Variants in EHMT1 observed in about 807,000 individuals in gnomAD.
The protein encoded by EHMT1 is euchromatic histone lysine methyltransferase 1.
EHMT1 carries 15 observed loss-of-function variants against 147.2 expected under a neutral mutation model. The observed-to-expected ratio is 0.10, with a 90% CI of 0.07 to 0.16. The LOEUF is 0.16. Among genes scored for constraint, EHMT1 ranks in the 10% least tolerant of loss-of-function variants. The probability of loss-of-function intolerance (pLI) is 1.00; values close to 1 mark genes in which losing one functional copy is unlikely to be tolerated. For missense variants in EHMT1, 1,587 were observed against 1,772.4 expected (o/e 0.90, Z 1.88); for synonymous variants, 795 against 709.6 (o/e 1.12, Z -1.91).
At chr9:137,757,007 G>A (rs998579710) in intron 8 of EHMT1, among the ~76,000 whole-genome samples, 4 of 152,176 alleles carry the variant, frequency 2.6e-5, no homozygotes, top group African/African-American at 7.2e-5. Flanking sequence ...TTGGTGACTA[G>A]TCCCTAGAAG....
intron 1 of EHMT1, among the ~76,000 whole-genome samples, chr9:137,663,068 C>T (rs1044506915): frequency 6.6e-6 from 1 of 152,206 alleles, no homozygotes; most frequent in South Asian, 2.1e-4. Context: ...GCTGGGAATA[C>T]AGGTGTGAGC....
In EHMT1 at chr9:137,758,204, A is replaced by G. The variant is rs76141355; in HGVS notation, c.1501+193A>G. On this transcript the variant is annotated intron_variant, in intron 9 of 26. Transcript: ENST00000460843. ...CCGGTGTTCAAGTGAAGAAAGAGACATTACGGAAACCCTCTAAGAGTCAAC... is the reference window on the plus strand; with the variant it reads ...CCGGTGTTCAAGTGAAGAAAGAGACGTTACGGAAACCCTCTAAGAGTCAAC... Among the ~76,000 whole-genome samples the G allele has an allele frequency of 1.9e-3, 287 of 152,338 alleles. 2 individuals are homozygous for G. The highest frequency in any genetic ancestry group is 6.3e-3 in the African/African-American group (260 of 41,590).
chr9:137,834,445 T>C lies in EHMT1; in HGVS notation c.3637T>C (p.Phe1213Leu). Residue 1213 changes from phenylalanine (F) to leucine (L), a missense_variant, in exon 26 of 27, where the codon TTC (phenylalanine) becomes CTC (leucine). Phe to Leu is a conservative substitution (Grantham distance 22). Transcript: ENST00000460843. ...CEPNLVPVRV[F>L]MAHQDLRFPR... ...GCCCAACCTGGTGCCCGTGCGCGTG[T>C]TCATGGCCCACCAGGACCTGCGGTT... 1 of 1,613,180 alleles carries C rather than the reference T, an allele frequency of 6.2e-7. No homozygotes were observed. Among genetic ancestry groups the C allele is most frequent in the Non-Finnish European group, 8.5e-7 (1 of 1,179,786 alleles).
At chr9:137,708,619 A>G (rs568482972) in intron 1 of EHMT1, among the ~76,000 whole-genome samples, 37 of 152,242 alleles carry the variant, frequency 2.4e-4, no homozygotes, top group Non-Finnish European at 4.4e-4. Context: ...TTTCAAGCTC[A>G]TGGGGACAGA....
chr9:137,646,019 T>C lies in EHMT1; in HGVS notation c.21+26970T>C, dbSNP rs570742622. Among the ~76,000 whole-genome samples, 20 of 152,226 alleles carry C rather than the reference T, an allele frequency of 1.3e-4. No individual in the cohort carries two copies. In the East Asian group the frequency reaches 3.5e-3, roughly 26 times the overall value. On this transcript the variant is annotated intron_variant, in intron 1 of 26. Coordinates refer to ENST00000460843, the MANE Select transcript of EHMT1 (RefSeq NM_024757.5). The stretch of plus-strand genomic sequence containing the variant: ...TGTTGCCCAGGCTGGAGTGCAATGG[T>C]GTGATCTCAGCTCACTGCAGCCTCT...
At chr9:137,820,576 G>C (rs1368616491) in intron 25 of EHMT1, among the ~76,000 whole-genome samples, 1 of 152,138 alleles carries the variant, frequency 6.6e-6, no homozygotes, top group African/African-American at 2.4e-5. Flanking sequence ...TTGAAAACTT[G>C]AATATTTCCC....
intron 1 of EHMT1, among the ~76,000 whole-genome samples, chr9:137,656,499 C>G (rs2134014305): frequency 6.6e-6 from 1 of 152,350 alleles, no homozygotes; most frequent in African/African-American, 2.4e-5. Flanking sequence ...TATTGTCTTC[C>G]TAATCAACAC....
intron 6 of EHMT1, 119 bp downstream of exon 6, chr9:137,744,209 G>T: frequency 9.5e-7 from 1 of 1,053,666 alleles, no homozygotes; most frequent in Non-Finnish European, 1.4e-6. Context: ...GTTTACAATT[G>T]GCTTAGATTT....
chr9:137,801,034 C>T, intron 18 of EHMT1, 50 bp downstream of exon 18: 2 of 1,519,970 alleles, frequency 1.3e-6, no homozygotes, highest in Non-Finnish European at 9.1e-7. Flanking sequence ...GGGGTGGGGA[C>T]CTCCTCCCCC....
rs1244706198 is a variant in EHMT1 at position 137,716,845 on chromosome 9, A to T, written c.305A>T (p.Glu102Val). 4 of 1,613,330 alleles carry T rather than the reference A, an allele frequency of 2.5e-6. No individual in the cohort carries two copies. The highest frequency in any genetic ancestry group is 2.2e-5 in the South Asian group (2 of 91,084). ...AATGGGGTTTCAGAAAGAGACTCAG[A>T]AGCGGCGAAGCAAAACCACGTCACT... ...AENGVSERDS[E>V]AAKQNHVTAD... The change falls in exon 3 of 27, where the codon GAA (glutamate) becomes GTA (valine). Residue 102 changes from glutamate (E) to valine (V), a missense_variant. Glu to Val is a moderately radical substitution (Grantham distance 121, BLOSUM62 -2). Transcript: ENST00000460843.
chr9:137,712,087 C>T (rs970261103), intron 2 of EHMT1, among the ~76,000 whole-genome samples: 2 of 152,314 alleles, frequency 1.3e-5, no homozygotes, highest in South Asian at 2.1e-4. Flanking sequence ...CTGCGCCATC[C>T]ACCTCCTGCA....
chr9:137,663,085 G>A (rs1031167380), intron 1 of EHMT1, among the ~76,000 whole-genome samples: 2 of 152,136 alleles, frequency 1.3e-5, no homozygotes, highest in African/African-American at 2.4e-5. Context: ...GAGCCACCGC[G>A]CCCAGTCCTG....
intron 15 of EHMT1, chr9:137,784,304 A>G: frequency 2.1e-6 from 3 of 1,421,832 alleles, no homozygotes; most frequent in Non-Finnish European, 2.8e-6. Context: ...GCGTGGCTCC[A>G]TCTTCACAGC....
At chr9:137,819,701 G>C (rs7032027) in intron 25 of EHMT1, among the ~76,000 whole-genome samples, 7,274 of 130,166 alleles carry the variant, frequency 0.056, 921 homozygotes, top group African/African-American at 0.31. Flanking sequence ...AGGAGCGGCT[G>C]TGTGTTCTCG....
intron 3 of EHMT1, among the ~76,000 whole-genome samples, chr9:137,720,467 C>G (rs543814500): frequency 6.6e-6 from 1 of 152,128 alleles, no homozygotes; most frequent in South Asian, 2.1e-4. Context: ...CCCTGCCCGG[C>G]TGATTTTTAT....
chr9:137,771,447 C>T (rs1265622192), intron 10 of EHMT1, among the ~76,000 whole-genome samples: 2 of 152,132 alleles, frequency 1.3e-5, no homozygotes, highest in African/African-American at 2.4e-5. Flanking sequence ...GTGATCCTCC[C>T]ACCTCGGGTT....
At chr9:137,803,864 C>T (rs1236006309) in intron 18 of EHMT1, among the ~76,000 whole-genome samples, 2 of 151,520 alleles carry the variant, frequency 1.3e-5, no homozygotes, top group Admixed American at 1.3e-4. Flanking sequence ...ACCTGCCAAA[C>T]TGCTTTCCAA....
chr9:137,706,541 C>T (rs553876043), intron 1 of EHMT1, among the ~76,000 whole-genome samples: 1 of 152,342 alleles, frequency 6.6e-6, no homozygotes, highest in South Asian at 2.1e-4. Context: ...GGCTAGAGAG[C>T]AGTGGCGTGA....
chr9:137,760,102 G>T (rs1284738527), intron 9 of EHMT1, among the ~76,000 whole-genome samples: 1 of 152,204 alleles, frequency 6.6e-6, no homozygotes, highest in Admixed American at 6.5e-5. Flanking sequence ...CCTGGGAGGG[G>T]CCAGGAGTCG....
Sources: allele counts gnomAD v4.1 joint callset (sites outside exome capture counted in the v4.1 genomes callset), GRCh38; gene constraint gnomAD v4.1.1; transcripts MANE v1.5; gene names NCBI Gene and HGNC (gene_info 2026-07-23, HGNC 2026-07-21).